Variants in PDGFC observed in about 807,000 individuals in gnomAD.
PDGFC encodes platelet derived growth factor C.
PDGFC carries 12 observed loss-of-function variants against 35.5 expected under a neutral mutation model. The observed-to-expected ratio is 0.34, with a 90% CI of 0.22 to 0.55. The LOEUF is 0.55. Ranked by LOEUF, PDGFC falls within the 20% of genes least tolerant of loss-of-function variation. PDGFC has a pLI of 0.91. For missense variants in PDGFC, 322 were observed against 412.4 expected, an observed-to-expected ratio of 0.78 and a Z score of 1.90; for synonymous variants, 159 against 148.8, an observed-to-expected ratio of 1.07 and a Z score of -0.50.
intron 1 of PDGFC, among the ~76,000 whole-genome samples, chr4:156,883,940 G>T (rs1031413704): frequency 9.2e-5 from 14 of 152,084 alleles, no homozygotes; most frequent in Non-Finnish European, 5.9e-5. Flanking sequence ...AAGGTCTCTG[G>T]TCACAAACAA....
chr4:156,942,947 G>C (rs1731844071), intron 1 of PDGFC, among the ~76,000 whole-genome samples: 1 of 151,988 alleles, frequency 6.6e-6, no homozygotes, highest in African/African-American at 2.4e-5. Context: ...CTCTCGGCTA[G>C]AGTATGTGTG....
chr4:156,877,233 A>G (rs1730136379), intron 1 of PDGFC, among the ~76,000 whole-genome samples: 1 of 152,060 alleles, frequency 6.6e-6, no homozygotes, highest in African/African-American at 2.4e-5. Flanking sequence ...CATGACCTGA[A>G]GCATTTATCC....
At chr4:156,908,259 TA>T (rs1730963814) in intron 1 of PDGFC, among the ~76,000 whole-genome samples, 1 of 152,122 alleles carries the variant, frequency 6.6e-6, no homozygotes, top group Non-Finnish European at 1.5e-5. Flanking sequence ...AGATCAATAA[TA>T]AAATATTAAG....
chr4:156,812,952 T>C lies in PDGFC; in HGVS notation c.315-1935A>G, dbSNP rs80344153. ...AAAACACAAAGACAAAGAGGAGATA[T>C]GATTTTGCTATATCACATGAGAAGT... On this transcript the variant is annotated intron_variant, in intron 2 of 5. Coordinates refer to ENST00000502773, the MANE Select transcript of PDGFC (RefSeq NM_016205.3). 4.3e-3 allele frequency among the ~76,000 whole-genome samples: 650 copies of C among 152,166 alleles called. 30 individuals are homozygous for C. In the East Asian group the frequency reaches 0.1, roughly 24 times the overall value.
intron 1 of PDGFC, among the ~76,000 whole-genome samples, chr4:156,885,901 A>T (rs1730365442): frequency 6.6e-6 from 1 of 152,126 alleles, no homozygotes. Flanking sequence ...ATAAATAAAT[A>T]AATAAAATTC....
chr4:156,871,241 A>C (rs1471851217), intron 1 of PDGFC, among the ~76,000 whole-genome samples: 1 of 152,148 alleles, frequency 6.6e-6, no homozygotes, highest in African/African-American at 2.4e-5. Flanking sequence ...TAAAACAGAA[A>C]TGAATGGCAG....
Position 156,912,803 on chromosome 4 carries a change from C to G in PDGFC, c.118+57983G>C, listed in dbSNP as rs193080174. Among the ~76,000 whole-genome samples the G allele has an allele frequency of 1.9e-4, 28 of 151,232 alleles. No homozygotes were observed. In the East Asian group the frequency reaches 4.5e-3, roughly 24 times the overall value. ...GGCAAGTAGTCAGATTCTGGATGTC[C>G]TTCACGGTGGGATGCAACACAGACT... On this transcript the variant is annotated intron_variant, in intron 1 of 5. Transcript: ENST00000502773.
chr4:156,782,875 A>G (rs1194184841), intron 3 of PDGFC, among the ~76,000 whole-genome samples: 2 of 152,188 alleles, frequency 1.3e-5, no homozygotes, highest in African/African-American at 2.4e-5. Flanking sequence ...TACTCCTGTC[A>G]CGTGCTCACA....
At chr4:156,772,981 G>A (rs760725509) in intron 3 of PDGFC, 88 bp from the exon 4 acceptor site, 13 of 855,678 alleles carry the variant, frequency 1.5e-5, no homozygotes, top group Non-Finnish European at 2.5e-5. Flanking sequence ...AAAGACTGAG[G>A]CTGGAAATAT....
intron 3 of PDGFC, among the ~76,000 whole-genome samples, chr4:156,777,665 G>A (rs1335607091): frequency 1.3e-5 from 2 of 152,176 alleles, no homozygotes; most frequent in Admixed American, 1.3e-4. Flanking sequence ...AGGCACCACT[G>A]TTTAAGTCTG....
At position 156,763,067 on chromosome 4, in the gene PDGFC, A is replaced by G. The variant is rs773836378; in HGVS notation, c.*23T>C. On this transcript the variant is annotated 3_prime_UTR_variant, in exon 6 of 6. Coordinates refer to ENST00000502773, the MANE Select transcript of PDGFC (RefSeq NM_016205.3). Reference sequence around the variant, plus strand: ...GCCACTGCACTGCACAGCTCTGGGCAAGAGCTGCTGGTGGTGATGCGGCTA... The same window carrying G: ...GCCACTGCACTGCACAGCTCTGGGCGAGAGCTGCTGGTGGTGATGCGGCTA... 1 of 1,200,166 alleles carries G rather than the reference A, an allele frequency of 8.3e-7. No homozygotes were observed. Among genetic ancestry groups the G allele is most frequent in the South Asian group, 1.2e-5 (1 of 82,474 alleles). The allele number at this position is 1,200,166 out of a possible 1,614,324, so 74.3% of individuals were successfully genotyped here. A position where few individuals can be genotyped will look rare whatever the true frequency, so the allele number is the denominator to read the frequency against.
chr4:156,818,994 T>A (rs1732174260), intron 2 of PDGFC, among the ~76,000 whole-genome samples: 1 of 152,134 alleles, frequency 6.6e-6, no homozygotes, highest in African/African-American at 2.4e-5. Flanking sequence ...ATTAAAAAAA[T>A]GTGCCACAGC....
At chr4:156,951,433 T>C (rs1732078789) in intron 1 of PDGFC, among the ~76,000 whole-genome samples, 1 of 151,768 alleles carries the variant, frequency 6.6e-6, no homozygotes. Flanking sequence ...CCATATAAGT[T>C]GTGATTGTGG....
chr4:156,954,122 T>C (rs1324048631), intron 1 of PDGFC, among the ~76,000 whole-genome samples: 4 of 151,548 alleles, frequency 2.6e-5, no homozygotes, highest in Admixed American at 6.6e-5. Context: ...TAGCAGAGGG[T>C]TATGGTTTCA....
chr4:156,867,003 G>T (rs933432207), intron 1 of PDGFC, among the ~76,000 whole-genome samples: 1 of 152,028 alleles, frequency 6.6e-6, no homozygotes, highest in Admixed American at 6.6e-5. Context: ...TAATAACTGG[G>T]ATCGCCTTAT....
intron 1 of PDGFC, among the ~76,000 whole-genome samples, chr4:156,965,107 T>C (rs1732434923): frequency 3.3e-5 from 5 of 152,314 alleles, no homozygotes; most frequent in Admixed American, 2.6e-4. Context: ...TAAAACGTGG[T>C]ACTCTGATTG....
At chr4:156,864,025 T>C (rs1048057090) in intron 1 of PDGFC, among the ~76,000 whole-genome samples, 1 of 152,086 alleles carries the variant, frequency 6.6e-6, no homozygotes, top group African/African-American at 2.4e-5. Context: ...TTTGGTTTGG[T>C]TTAGTTCATT....
intron 1 of PDGFC, among the ~76,000 whole-genome samples, chr4:156,899,705 C>T (rs2110757634): frequency 6.6e-6 from 1 of 152,232 alleles, no homozygotes; most frequent in South Asian, 2.1e-4. Flanking sequence ...ATCCCAGCTA[C>T]TAGGGAGGCT....
At chr4:156,869,919 T>C (rs1729939578) in intron 1 of PDGFC, among the ~76,000 whole-genome samples, 1 of 152,090 alleles carries the variant, frequency 6.6e-6, no homozygotes, top group Non-Finnish European at 1.5e-5. Flanking sequence ...CTTTTGTATC[T>C]AATTTAAGAA....
Sources: gnomAD v4.1 joint callset for allele counts (sites outside exome capture counted in the v4.1 genomes callset) on GRCh38, gnomAD v4.1.1 for gene constraint, MANE v1.5 for transcripts, NCBI Gene and HGNC (gene_info 2026-07-23, HGNC 2026-07-21) for gene names.